FMNL3: variants seen among roughly 807,000 people sequenced by gnomAD.
FMNL3 encodes the protein formin like 3.
FMNL3 carries 57 observed loss-of-function variants against 119.6 expected under a neutral mutation model. The observed-to-expected ratio is 0.48, with a 90% CI of 0.39 to 0.59. FMNL3 has a LOEUF of 0.59. Ranked by LOEUF, FMNL3 falls within the 20% of genes least tolerant of loss-of-function variation. FMNL3 has a pLI of 0.00. For synonymous variants in FMNL3, 491 were observed against 507.3 expected (o/e 0.97, Z 0.43); for missense variants, 1,053 against 1,323.5 (o/e 0.80, Z 3.17).
At chr12:49,685,497 C>A (rs1201586230) in intron 1 of FMNL3, among the ~76,000 whole-genome samples, 1 of 151,946 alleles carries the variant, frequency 6.6e-6, no homozygotes, top group Non-Finnish European at 1.5e-5. Context: ...TCCATGGCTA[C>A]ACAAGAGACA....
intron 5 of FMNL3, 72 bp from the exon 6 acceptor site, chr12:49,658,666 C>T (rs982365213): frequency 7.5e-6 from 11 of 1,471,156 alleles, no homozygotes; most frequent in South Asian, 1.4e-5. Context: ...CAAGGCCCCC[C>T]GTGAGCCCAC....
Position 49,642,420 on chromosome 12 carries a change from C to T in FMNL3, c.*3395G>A, listed in dbSNP as rs375118021. ...AAGCACCCCTCAAGCCTGAGGGCAG[C>T]GGTGCTTCACCACTGAGGGCCCACC... On this transcript the variant is annotated 3_prime_UTR_variant, in exon 26 of 26. Transcript: ENST00000335154. This position sits in a 1 kb window ranked among gnomAD's most constrained non-coding sequence, Gnocchi z 5.8. 19 of 1,599,220 alleles carry T rather than the reference C, an allele frequency of 1.2e-5. No individual in the cohort carries two copies. The Middle Eastern group carries it at 5.4e-4, about 45-fold the overall frequency.
In FMNL3 at chr12:49,647,074, C is replaced by T. The variant is rs1440460372; in HGVS notation, c.2872-65G>A. On this transcript the variant is annotated intron_variant, in intron 24 of 25. Transcript: ENST00000335154. This position sits in a 1 kb window ranked among gnomAD's most constrained non-coding sequence, Gnocchi z 4.9. ...ACCTAATGTGGGACTGGTTCCTGCC[C>T]CAAGGTGCAGTCTGAGGATGCCACT... The T allele has an allele frequency of 6.2e-7, 1 of 1,607,730 alleles. No individual in the cohort carries two copies.
At chr12:49,654,783 T>G in intron 10 of FMNL3, 127 bp downstream of exon 10, 1 of 901,064 alleles carries the variant, frequency 1.1e-6, no homozygotes. Flanking sequence ...CAAGAAGCAT[T>G]TGCTGAATAG....
At chr12:49,696,312 C>A (rs535549172) in intron 1 of FMNL3, among the ~76,000 whole-genome samples, 6 of 152,166 alleles carry the variant, frequency 3.9e-5, no homozygotes, top group African/African-American at 1.4e-4. Context: ...CAAGCCTGGT[C>A]CTGGAACCAA....
intron 1 of FMNL3, among the ~76,000 whole-genome samples, chr12:49,693,085 T>C (rs1333978371): frequency 6.6e-6 from 1 of 152,192 alleles, no homozygotes; most frequent in Non-Finnish European, 1.5e-5. Flanking sequence ...AAGGGTCCAT[T>C]GTCAGGAGTT....
rs1746427016 is a variant in FMNL3, at chr12:49,639,972, G to A, written c.*5843C>T. ...GACAATTAACTTTTAGCCACAGAGT[G>A]GCTGGTTGATAGGCCTGTAGGGGCC... On this transcript the variant is annotated 3_prime_UTR_variant, in exon 26 of 26. Coordinates refer to ENST00000335154, the MANE Select transcript of FMNL3 (RefSeq NM_175736.5). 6.6e-6 allele frequency: 1 copy of A among 152,248 alleles called. No homozygotes were observed. The highest frequency in any genetic ancestry group is 2.4e-5 in the African/African-American group (1 of 41,470). The allele number at this position is 152,248 out of a possible 1,614,324, so 9.4% of individuals were successfully genotyped here. A position where few individuals can be genotyped will look rare whatever the true frequency, so the allele number is the denominator to read the frequency against.
chr12:49,647,633 A>T lies in FMNL3; in HGVS notation c.2778+70T>A. On this transcript the variant is annotated intron_variant, in intron 23 of 25. Transcript: ENST00000335154. The surrounding 1 kb of genome is among the most constrained non-coding windows in gnomAD (Gnocchi z 4.9). ...AGGAGTCGGAAAAGGCCCATACTTT[A>T]AGCCCAGGCTTCTCTCCCCCAGCCA... The T allele has an allele frequency of 7.2e-7, 1 of 1,392,980 alleles. No homozygotes were observed. The allele number at this position is 1,392,980 out of a possible 1,614,324, so 86.3% of individuals were successfully genotyped here.
chr12:49,653,698 T>C (rs1484325673), intron 12 of FMNL3, 27 bp downstream of exon 12: 3 of 1,612,856 alleles, frequency 1.9e-6, no homozygotes, highest in South Asian at 1.1e-5. Flanking sequence ...CAACAGTGGC[T>C]CTGGCAGGCA....
At chr12:49,686,180 G>A (rs551668096) in intron 1 of FMNL3, among the ~76,000 whole-genome samples, 9 of 151,918 alleles carry the variant, frequency 5.9e-5, no homozygotes, top group South Asian at 4.2e-4. Flanking sequence ...TGATCATAGC[G>A]TACTGCAGCC....
rs1942296102 is a variant in FMNL3 at position 49,639,429 on chromosome 12, C to T, written c.*6386G>A. ...GTGAGCAGGGAGAAAAGTCAGTAGG[C>T]TGTGCAGGAATCTTGTAGGAGGTGA... On this transcript the variant is annotated 3_prime_UTR_variant, in exon 26 of 26. Coordinates refer to ENST00000335154, the MANE Select transcript of FMNL3 (RefSeq NM_175736.5). The T allele has an allele frequency of 2.0e-5, 3 of 152,302 alleles. No individual in the cohort carries two copies. The highest frequency in any genetic ancestry group is 3.1e-3 in the Middle Eastern group (1 of 318). The allele number at this position is 152,302 out of a possible 1,614,324, so 9.4% of individuals were successfully genotyped here. A position where few individuals can be genotyped will look rare whatever the true frequency, so the allele number is the denominator to read the frequency against.
Position 49,642,917 on chromosome 12 carries a change from C to T in FMNL3, c.*2898G>A, listed in dbSNP as rs781374182. 3 of 1,610,452 alleles carry T rather than the reference C, an allele frequency of 1.9e-6. No individual in the cohort carries two copies. The highest frequency in any genetic ancestry group is 2.2e-5 in the South Asian group (2 of 90,394). On this transcript the variant is annotated 3_prime_UTR_variant, in exon 26 of 26. Transcript: ENST00000335154. This position sits in a 1 kb window ranked among gnomAD's most constrained non-coding sequence, Gnocchi z 5.8. ...TGGTGCTGTCCTCACCCTTCTTCCT[C>T]TGCCTCTAGCAGACTGAATGCCAGC...
At chr12:49,654,129 A>G in intron 11 of FMNL3, 63 bp downstream of exon 11, 3 of 1,480,602 alleles carry the variant, frequency 2.0e-6, no homozygotes, top group Non-Finnish European at 2.8e-6. Flanking sequence ...AAGAAAAATC[A>G]TTTGTGATAC....
At chr12:49,656,619 G>T in intron 8 of FMNL3, 122 bp from the exon 9 acceptor site, 1 of 971,280 alleles carries the variant, frequency 1.0e-6, no homozygotes, top group Non-Finnish European at 1.6e-6. Flanking sequence ...GAGGAGAGAG[G>T]GTGGGAGAAA....
chr12:49,658,642 G>A, intron 5 of FMNL3, 48 bp from the exon 6 acceptor site: 5 of 1,520,794 alleles, frequency 3.3e-6, no homozygotes, highest in Non-Finnish European at 4.4e-6. Flanking sequence ...ACATACACAG[G>A]AGAAATTCAG....
At position 49,669,889 on chromosome 12, in the gene FMNL3, GAATA is replaced by G. The variant is rs1943998776; in HGVS notation, c.127-1339_127-1336del. On this transcript the variant is annotated intron_variant, in intron 1 of 25. Transcript: ENST00000335154. ...CAAAACAAAACACACAAACAAAAAAGAATAAAGGCAGTCTGACACTTTAATCAGA... is the reference window on the plus strand; with the variant it reads ...CAAAACAAAACACACAAACAAAAAAGAAGGCAGTCTGACACTTTAATCAGA... Among the ~76,000 whole-genome samples the G allele has an allele frequency of 4.0e-5, 6 of 148,180 alleles. No homozygotes were observed. In the South Asian group the frequency reaches 1.3e-3, roughly 33 times the overall value.
intron 1 of FMNL3, among the ~76,000 whole-genome samples, chr12:49,699,974 T>G (rs1032365058): frequency 4.6e-5 from 7 of 152,188 alleles, no homozygotes; most frequent in Non-Finnish European, 8.8e-5. Flanking sequence ...TCAAACGCCT[T>G]TAAAAACCAT....
chr12:49,671,568 C>G (rs1439514414), intron 1 of FMNL3, among the ~76,000 whole-genome samples: 1 of 152,236 alleles, frequency 6.6e-6, no homozygotes, highest in African/African-American at 2.4e-5. Flanking sequence ...CTGGACAGTT[C>G]TCTTCCTGCT....
intron 1 of FMNL3, among the ~76,000 whole-genome samples, chr12:49,691,943 G>A (rs189544780): frequency 2.0e-3 from 295 of 149,080 alleles, no homozygotes; most frequent in Non-Finnish European, 3.6e-3. Flanking sequence ...GCTGAGGCAG[G>A]AGAATTGTTT....
Sources: allele counts gnomAD v4.1 joint callset (sites outside exome capture counted in the v4.1 genomes callset), GRCh38; gene constraint gnomAD v4.1.1; non-coding constraint Gnocchi (gnomAD v3.1); transcripts MANE v1.5; gene names NCBI Gene and HGNC (gene_info 2026-07-23, HGNC 2026-07-21).